The following CDH4 variants were observed in gnomAD, a reference collection of about 807,000 sequenced individuals.
The protein encoded by CDH4 is cadherin-4.
CDH4 carries 33 observed loss-of-function variants against 86.0 expected under a neutral mutation model. That is an observed-to-expected ratio of 0.38 (90% CI 0.29 to 0.51). The LOEUF (loss-of-function observed/expected upper bound fraction) is 0.51. CDH4 is among the 20% of genes least tolerant of loss of function. The pLI is 0.86. For synonymous variants in CDH4, 555 were observed against 549.4 expected (o/e 1.01, Z -0.14); for missense variants, 1,114 against 1,307.4 (o/e 0.85, Z 2.28).
At chr20:61,357,437 G>A (rs2084757265) in intron 2 of CDH4, among the ~76,000 whole-genome samples, 1 of 152,172 alleles carries the variant, frequency 6.6e-6, no homozygotes, top group African/African-American at 2.4e-5. Flanking sequence ...GGAAACCTCT[G>A]GGTTTCCCCG....
intron 2 of CDH4, among the ~76,000 whole-genome samples, chr20:61,451,736 G>T (rs927288909): frequency 2.0e-5 from 3 of 152,012 alleles, no homozygotes; most frequent in East Asian, 3.9e-4. Context: ...TGGGAGGAAG[G>T]CCTCCAGGGT....
chr20:61,575,351 C>T (rs1239333757), intron 2 of CDH4, among the ~76,000 whole-genome samples: 1 of 152,176 alleles, frequency 6.6e-6, no homozygotes, highest in Non-Finnish European at 1.5e-5. Context: ...AGGGTATATA[C>T]TTACGGGTTA....
chr20:61,527,629 A>C (rs556722510), intron 2 of CDH4, among the ~76,000 whole-genome samples: 459 of 152,302 alleles, frequency 3.0e-3, no homozygotes, highest in Non-Finnish European at 5.3e-3. Context: ...CTATCATCTG[A>C]AAGTCTGTTC....
At chr20:61,462,061 G>T (rs1191699983) in intron 2 of CDH4, among the ~76,000 whole-genome samples, 1 of 152,214 alleles carries the variant, frequency 6.6e-6, no homozygotes, top group Non-Finnish European at 1.5e-5. Context: ...CAAGAAAGTT[G>T]TCAAGGGTGG....
At chr20:61,682,320 A>G (rs954137937) in intron 2 of CDH4, among the ~76,000 whole-genome samples, 2 of 138,808 alleles carry the variant, frequency 1.4e-5, no homozygotes, top group Admixed American at 7.0e-5. Context: ...ATGGAAGGAG[A>G]GAGGGAGGGA....
At chr20:61,655,468 G>A (rs1211903026) in intron 2 of CDH4, among the ~76,000 whole-genome samples, 16 of 152,206 alleles carry the variant, frequency 1.1e-4, no homozygotes, top group African/African-American at 2.4e-4. Flanking sequence ...AACGGCCATC[G>A]TTCCAGGCAT....
At chr20:61,900,747 G>A (rs1391763441) in intron 8 of CDH4, among the ~76,000 whole-genome samples, 2 of 152,168 alleles carry the variant, frequency 1.3e-5, no homozygotes, top group Admixed American at 1.3e-4. Context: ...CAGGGGTTGG[G>A]GGTGGGCGCT....
At chr20:61,534,305 TG>T (rs1428071595) in intron 2 of CDH4, among the ~76,000 whole-genome samples, 1 of 152,144 alleles carries the variant, frequency 6.6e-6, no homozygotes, top group Non-Finnish European at 1.5e-5. Flanking sequence ...CGCTTTGCAT[TG>T]GGGAGGGTAT....
intron 3 of CDH4, among the ~76,000 whole-genome samples, chr20:61,753,754 G>A (rs1406916277): frequency 6.6e-6 from 1 of 152,220 alleles, no homozygotes; most frequent in Non-Finnish European, 1.5e-5. Flanking sequence ...CAGCGTTTAT[G>A]AGGATGAACT....
At chr20:61,738,325 G>C (rs2088290420) in intron 2 of CDH4, 1 of 152,212 alleles carries the variant, frequency 6.6e-6, no homozygotes, top group South Asian at 2.1e-4. Flanking sequence ...GCGGCTGTGG[G>C]TACCAGGCAC....
chr20:61,463,152 C>T (rs545466679), intron 2 of CDH4, among the ~76,000 whole-genome samples: 8 of 152,298 alleles, frequency 5.3e-5, no homozygotes, highest in South Asian at 2.1e-4. Context: ...GCTCTTTCTT[C>T]GTCTTCCTCC....
chr20:61,918,219 A>T (rs2054926993), intron 9 of CDH4, among the ~76,000 whole-genome samples: 1 of 152,144 alleles, frequency 6.6e-6, no homozygotes, highest in Admixed American at 6.5e-5. Flanking sequence ...GGTACCTGAG[A>T]CCCCTGGTAG....
chr20:61,275,753 G>A lies in CDH4; in HGVS notation c.169+20816G>A, dbSNP rs183789600. ...CAGTTTGGAGTACTGTGTGCAGTTC[G>A]GGACACCTGACTGTGCTTTTCTGAA... On this transcript the variant is annotated intron_variant, in intron 2 of 15. Coordinates refer to ENST00000614565, the MANE Select transcript of CDH4 (RefSeq NM_001794.5). Among the ~76,000 whole-genome samples the A allele has an allele frequency of 1.1e-3, 172 of 152,046 alleles. 1 individual carries two copies. Among genetic ancestry groups the A allele is most frequent in the Non-Finnish European group, 2.8e-4 (19 of 67,972 alleles).
At chr20:61,725,716 C>A (rs1272760861) in intron 2 of CDH4, among the ~76,000 whole-genome samples, 7 of 151,996 alleles carry the variant, frequency 4.6e-5, no homozygotes, top group African/African-American at 1.7e-4. Flanking sequence ...GTGGGCTTTC[C>A]CATCTGCAGA....
At chr20:61,672,648 G>A (rs1337861031) in intron 2 of CDH4, among the ~76,000 whole-genome samples, 5 of 152,206 alleles carry the variant, frequency 3.3e-5, no homozygotes, top group East Asian at 1.9e-4. Flanking sequence ...AGTCTGAGCC[G>A]AGTCTCTGGG....
At chr20:61,566,348 A>T (rs1333827626) in intron 2 of CDH4, among the ~76,000 whole-genome samples, 1 of 152,040 alleles carries the variant, frequency 6.6e-6, no homozygotes, top group Non-Finnish European at 1.5e-5. Context: ...AAACATTCTT[A>T]TTTTCTCAGG....
At chr20:61,282,259 T>C (rs1428112199) in intron 2 of CDH4, among the ~76,000 whole-genome samples, 1 of 152,168 alleles carries the variant, frequency 6.6e-6, no homozygotes, top group Non-Finnish European at 1.5e-5. Context: ...CTTGGGAGGC[T>C]GAGGCAGGAG....
intron 2 of CDH4, among the ~76,000 whole-genome samples, chr20:61,380,429 G>A (rs138441405): frequency 1.5e-4 from 23 of 152,142 alleles, no homozygotes; most frequent in South Asian, 6.2e-4. Context: ...ATCCATATCC[G>A]TGGACAGATA....
intron 2 of CDH4, among the ~76,000 whole-genome samples, chr20:61,447,882 A>G (rs1268577774): frequency 6.6e-6 from 1 of 152,036 alleles, no homozygotes; most frequent in South Asian, 2.1e-4. Flanking sequence ...TCCTTTCATC[A>G]TATTTTCCAA....
Sources: gnomAD v4.1 joint callset for allele counts (sites outside exome capture counted in the v4.1 genomes callset) on GRCh38, gnomAD v4.1.1 for gene constraint, MANE v1.5 for transcripts, NCBI Gene and HGNC (gene_info 2026-07-23, HGNC 2026-07-21) for gene names.